CYP4Z1: variants seen among roughly 807,000 people sequenced by gnomAD.
CYP4Z1 encodes the protein cytochrome P450 4Z1.
In CYP4Z1, 41 loss-of-function variants were observed where a neutral mutation model predicts 54.2. The observed-to-expected ratio is 0.76, with a 90% CI of 0.59 to 0.98. CYP4Z1 has a LOEUF of 0.98. CYP4Z1 is among the 50% of genes least tolerant of loss of function. CYP4Z1 has a pLI of 0.00. For missense variants in CYP4Z1, 513 were observed against 599.0 expected (o/e 0.86, Z 1.50); for synonymous variants, 163 against 206.2 (o/e 0.79, Z 1.79).
chr1:47,083,731 T>C (rs1385781127), intron 4 of CYP4Z1, among the ~76,000 whole-genome samples: 1 of 152,138 alleles, frequency 6.6e-6, no homozygotes, highest in African/African-American at 2.4e-5. Context: ...TGCACCTCTC[T>C]TCGAGTCTAA....
chr1:47,098,802 A>C (rs1441902650), intron 7 of CYP4Z1, among the ~76,000 whole-genome samples: 1 of 152,220 alleles, frequency 6.6e-6, no homozygotes, highest in Non-Finnish European at 1.5e-5. Context: ...GTACATAATA[A>C]ACATTTTCTT....
chr1:47,097,397 A>G (rs1363275430), intron 7 of CYP4Z1, among the ~76,000 whole-genome samples: 1 of 152,138 alleles, frequency 6.6e-6, no homozygotes. Context: ...GCCCATGCCT[A>G]TGTCCTGAAT....
chr1:47,114,805 G>A (rs865922692), intron 9 of CYP4Z1, among the ~76,000 whole-genome samples: 141 of 152,296 alleles, frequency 9.3e-4, no homozygotes, highest in African/African-American at 3.3e-3. Context: ...AACAGGTGCT[G>A]GAGAGGATGT....
upstream of CYP4Z1, among the ~76,000 whole-genome samples, chr1:47,064,863 CA>C (rs1380009057): frequency 1.3e-5 from 2 of 152,104 alleles, no homozygotes; most frequent in African/African-American, 4.8e-5. Flanking sequence ...ATATTCTATG[CA>C]AATGGACACC....
At chr1:47,083,771 C>T (rs1035511271) in intron 4 of CYP4Z1, among the ~76,000 whole-genome samples, 3 of 152,094 alleles carry the variant, frequency 2.0e-5, no homozygotes, top group African/African-American at 7.2e-5. Context: ...CCCCTTCAGC[C>T]TGCTCCAACC....
the CYP4Z1 span, among the ~76,000 whole-genome samples, chr1:47,057,336 ATAT>A: frequency 1.1e-3 from 62 of 56,600 alleles, 1 homozygote; most frequent in African/African-American, 2.4e-3. Flanking sequence ...AGAAAAAAAA[ATAT>A]ATATATATAT....
At chr1:47,088,710 G>T (rs1044420019) in intron 6 of CYP4Z1, among the ~76,000 whole-genome samples, 1 of 139,034 alleles carries the variant, frequency 7.2e-6, no homozygotes, top group African/African-American at 2.9e-5. Flanking sequence ...TCAACCTCCT[G>T]GGTTCAAGTG....
intron 7 of CYP4Z1, among the ~76,000 whole-genome samples, chr1:47,095,437 T>C (rs1396785042): frequency 6.6e-6 from 1 of 152,182 alleles, no homozygotes; most frequent in African/African-American, 2.4e-5. Context: ...AGTGAAGGAC[T>C]TGGCAATCAA....
At chr1:47,080,001 G>C (rs1338347766) in intron 2 of CYP4Z1, among the ~76,000 whole-genome samples, 1 of 151,968 alleles carries the variant, frequency 6.6e-6, no homozygotes, top group Non-Finnish European at 1.5e-5. Flanking sequence ...TGAATCTCAT[G>C]TTAACAATCC....
In CYP4Z1 at chr1:47,106,279, T is replaced by TC. The variant is rs776969926; in HGVS notation, c.1201+18_1201+19insC. On this transcript the variant is annotated intron_variant, in intron 9 of 11. Coordinates refer to ENST00000334194, the MANE Select transcript of CYP4Z1 (RefSeq NM_178134.3). The stretch of plus-strand genomic sequence containing the variant: ...ACCTGCAGGTCTTAAAACTTTTTTT[T>TC]TTTTTTTTAACAATGCAGCTGTGCT... 1.9e-6 allele frequency: 3 copies of TC among 1,596,350 alleles called. No homozygotes were observed. The South Asian group carries it at 3.4e-5, about 18-fold the overall frequency.
intron 7 of CYP4Z1, among the ~76,000 whole-genome samples, chr1:47,095,992 A>T (rs938863785): frequency 6.6e-6 from 1 of 151,964 alleles, no homozygotes; most frequent in African/African-American, 2.4e-5. Flanking sequence ...CTCAACTTTC[A>T]TTGTGTTGGC....
the CYP4Z1 span, among the ~76,000 whole-genome samples, chr1:47,057,868 C>G: frequency 1.3e-5 from 2 of 151,776 alleles, no homozygotes; most frequent in Admixed American, 1.3e-4. Flanking sequence ...CTTTGTATGG[C>G]TAGTGGGTTT....
chr1:47,110,582 T>G (rs1018207836), intron 9 of CYP4Z1, among the ~76,000 whole-genome samples: 14 of 152,248 alleles, frequency 9.2e-5, no homozygotes, highest in Non-Finnish European at 1.8e-4. Context: ...TTGACCATGA[T>G]TTGAGACTCA....
At chr1:47,083,033 G>T (rs1316940924) in intron 4 of CYP4Z1, among the ~76,000 whole-genome samples, 2 of 152,162 alleles carry the variant, frequency 1.3e-5, no homozygotes, top group Non-Finnish European at 2.9e-5. Context: ...TTGGAGTTTG[G>T]ATGGCAAAGA....
intron 2 of CYP4Z1, among the ~76,000 whole-genome samples, chr1:47,072,951 G>A (rs1372741173): frequency 1.3e-5 from 2 of 152,066 alleles, no homozygotes; most frequent in African/African-American, 2.4e-5. Flanking sequence ...TACACATAAG[G>A]TTTGCCATTT....
At position 47,084,898 on chromosome 1, in the gene CYP4Z1, A is replaced by G. The variant is rs1644580649; in HGVS notation, c.692A>G (p.His231Arg). Residue 231 changes from histidine to arginine, a missense_variant, in exon 6 of 12, where the codon CAT (histidine) becomes CGT (arginine). Coordinates refer to ENST00000334194, the MANE Select transcript of CYP4Z1 (RefSeq NM_178134.3). ...ISNQRMNNFL[H>R]HNDLVFKFSS... is the part of the protein sequence containing the mutation. ...AACCAGCGCATGAACAATTTTCTAC[A>G]TCACAACGACCTGGTTTTCAAATTC... 1.9e-6 allele frequency: 3 copies of G among 1,542,230 alleles called. No individual in the cohort carries two copies. The highest frequency in any genetic ancestry group is 2.6e-6 in the Non-Finnish European group (3 of 1,143,672).
chr1:47,092,269 G>A (rs776240822), intron 6 of CYP4Z1, among the ~76,000 whole-genome samples: 55 of 151,920 alleles, frequency 3.6e-4, no homozygotes, highest in Middle Eastern at 3.2e-3. Flanking sequence ...TGTTGCTACC[G>A]TCTCTCTCCT....
intron 8 of CYP4Z1, among the ~76,000 whole-genome samples, chr1:47,100,552 T>C (rs1426055417): frequency 1.3e-5 from 2 of 152,192 alleles, no homozygotes; most frequent in African/African-American, 4.8e-5. Context: ...ACGGTTGGTG[T>C]TGGTTATCAA....
intron 9 of CYP4Z1, among the ~76,000 whole-genome samples, chr1:47,110,669 G>A (rs10890462): frequency 0.43 from 65,115 of 151,704 alleles, 15,325 homozygotes; most frequent in East Asian, 0.96. Context: ...TCAATGGGCA[G>A]TCTGTTCTGA....
Sources: gnomAD v4.1 joint callset for allele counts (sites outside exome capture counted in the v4.1 genomes callset) on GRCh38, gnomAD v4.1.1 for gene constraint, MANE v1.5 for transcripts, NCBI Gene and HGNC (gene_info 2026-07-23, HGNC 2026-07-21) for gene names.